The following EFCAB11 variants were observed in gnomAD, a reference collection of about 807,000 sequenced individuals.
The protein encoded by EFCAB11 is EF-hand calcium-binding domain-containing protein 11.
In EFCAB11, 14 loss-of-function variants were observed where a neutral mutation model predicts 23.0. The observed-to-expected ratio is 0.61, with a 90% CI of 0.40 to 0.95. The LOEUF is 0.95. EFCAB11 is among the 40% of genes least tolerant of loss of function. EFCAB11 has a pLI of 0.00. For synonymous variants in EFCAB11, 65 were observed against 66.6 expected (o/e 0.98, Z 0.11); for missense variants, 198 against 195.8 (o/e 1.01, Z -0.07).
chr14:89,873,347 G>A (rs1389994358), intron 5 of EFCAB11, among the ~76,000 whole-genome samples: 1 of 152,096 alleles, frequency 6.6e-6, no homozygotes, highest in Non-Finnish European at 1.5e-5. Context: ...TGATATGAGG[G>A]GATTATAGGA....
At chr14:89,862,987 C>G (rs955907804) in intron 5 of EFCAB11, among the ~76,000 whole-genome samples, 1 of 152,122 alleles carries the variant, frequency 6.6e-6, no homozygotes, top group South Asian at 2.1e-4. Context: ...TGTTTCCATA[C>G]ATTTACTAAG....
intron 2 of EFCAB11, among the ~76,000 whole-genome samples, chr14:89,953,173 C>G (rs1461169355): frequency 6.8e-6 from 1 of 146,340 alleles, no homozygotes; most frequent in Non-Finnish European, 1.5e-5. Flanking sequence ...GCCACAAGGA[C>G]ATAAATGTGT....
At chr14:89,884,864 A>G (rs1888705705) in intron 5 of EFCAB11, among the ~76,000 whole-genome samples, 1 of 152,196 alleles carries the variant, frequency 6.6e-6, no homozygotes. Flanking sequence ...TTATAAGAAG[A>G]GCAAGAGATC....
chr14:89,858,060 G>A (rs1887809394), intron 5 of EFCAB11, among the ~76,000 whole-genome samples: 1 of 152,190 alleles, frequency 6.6e-6, no homozygotes, highest in Non-Finnish European at 1.5e-5. Context: ...TTTAAACTAT[G>A]TCCACAAATG....
chr14:89,930,005 G>A (rs556843173), intron 5 of EFCAB11, among the ~76,000 whole-genome samples: 2 of 152,204 alleles, frequency 1.3e-5, no homozygotes, highest in South Asian at 4.2e-4. Flanking sequence ...TAGTTCCTTT[G>A]TTAAAAACAA....
chr14:89,911,659 A>G (rs1294034757), intron 5 of EFCAB11, among the ~76,000 whole-genome samples: 1 of 152,238 alleles, frequency 6.6e-6, no homozygotes, highest in African/African-American at 2.4e-5. Context: ...AAGTCCATGT[A>G]GCCCAAGCAC....
At chr14:89,825,162 A>T (rs1159588267) in intron 5 of EFCAB11, among the ~76,000 whole-genome samples, 1 of 151,966 alleles carries the variant, frequency 6.6e-6, no homozygotes, top group Non-Finnish European at 1.5e-5. Context: ...TGAATAACGG[A>T]ATGAAATTAG....
At chr14:89,910,119 A>G (rs1274552696) in intron 5 of EFCAB11, among the ~76,000 whole-genome samples, 1 of 152,248 alleles carries the variant, frequency 6.6e-6, no homozygotes, top group Non-Finnish European at 1.5e-5. Context: ...AGTATCTGCA[A>G]TGCAGAAGAT....
rs375336342 is a variant in EFCAB11 at position 89,886,787 on chromosome 14, A to G, written c.410+44754T>C. Among the ~76,000 whole-genome samples, 316 of 152,312 alleles carry G rather than the reference A, an allele frequency of 2.1e-3. 1 individual carries two copies. The highest frequency in any genetic ancestry group is 7.2e-3 in the African/African-American group (300 of 41,570). On this transcript the variant is annotated intron_variant, in intron 5 of 5. Coordinates refer to ENST00000316738, the MANE Select transcript of EFCAB11 (RefSeq NM_145231.4). ...ATCTCGATATTTGGAAAGACTCCTGATTTATTGCAGTTTTGGTAATTTACA... is the reference window on the plus strand; with the variant it reads ...ATCTCGATATTTGGAAAGACTCCTGGTTTATTGCAGTTTTGGTAATTTACA...
Position 89,805,288 on chromosome 14 carries a change from G to A in EFCAB11, c.411-7964C>T, listed in dbSNP as rs975793296. On this transcript the variant is annotated intron_variant, in intron 5 of 5. Transcript: ENST00000316738. ...CAAGCTCTAGAAGTGGGAGCTCACT[G>A]GCCTTAACCAATGACTGTAATCCCA... Among the ~76,000 whole-genome samples, 8 of 152,344 alleles carry A rather than the reference G, an allele frequency of 5.3e-5. No homozygotes were observed. The East Asian group carries it at 1.3e-3, about 26-fold the overall frequency.
intron 5 of EFCAB11, among the ~76,000 whole-genome samples, chr14:89,808,538 T>G (rs900712106): frequency 6.6e-6 from 1 of 152,182 alleles, no homozygotes; most frequent in African/African-American, 2.4e-5. Flanking sequence ...TCAGCCCATT[T>G]CTCATTGATG....
intron 5 of EFCAB11, 120 bp from the exon 6 acceptor site, chr14:89,797,444 C>T: frequency 1.3e-6 from 1 of 791,038 alleles, no homozygotes; most frequent in South Asian, 1.9e-5. Flanking sequence ...ATTTTATCTA[C>T]TTGAAGGCTG....
chr14:89,834,594 C>CG (rs1887010249), intron 5 of EFCAB11, among the ~76,000 whole-genome samples: 1 of 151,858 alleles, frequency 6.6e-6, no homozygotes, highest in South Asian at 2.1e-4. Flanking sequence ...GAAAGCTGTT[C>CG]GGGAAAGTAG....
intron 5 of EFCAB11, among the ~76,000 whole-genome samples, chr14:89,838,663 T>C (rs994099474): frequency 3.3e-5 from 5 of 152,064 alleles, no homozygotes; most frequent in South Asian, 4.1e-4. Context: ...ATTGAGCAGA[T>C]TGGGAATACA....
At chr14:89,936,611 C>T (rs1250859478) in intron 3 of EFCAB11, among the ~76,000 whole-genome samples, 1 of 152,192 alleles carries the variant, frequency 6.6e-6, no homozygotes, top group Non-Finnish European at 1.5e-5. Context: ...ATATCCCCTC[C>T]CTTCTATGCC....
chr14:89,815,309 A>C (rs1433337588), intron 5 of EFCAB11, among the ~76,000 whole-genome samples: 1 of 152,202 alleles, frequency 6.6e-6, no homozygotes, highest in African/African-American at 2.4e-5. Context: ...AAATTTGTTT[A>C]AGTTCTTAGT....
In EFCAB11 at chr14:89,796,869, G is replaced by A. The variant is rs539426062; in HGVS notation, c.*374C>T. 5.7e-6 allele frequency: 1 copy of A among 176,968 alleles called. No homozygotes were observed. Among genetic ancestry groups the A allele is most frequent in the African/African-American group, 2.4e-5 (1 of 42,422 alleles). The allele number at this position is 176,968 out of a possible 1,614,324, so 11.0% of individuals were successfully genotyped here. A position where few individuals can be genotyped will look rare whatever the true frequency, so the allele number is the denominator to read the frequency against. Reference sequence around the variant, plus strand: ...GGGTAGGGGGCAAGAAGAGTGAGGAGGAGGAGGACCACCAGTGCCATCCCT... The same window carrying A: ...GGGTAGGGGGCAAGAAGAGTGAGGAAGAGGAGGACCACCAGTGCCATCCCT... On this transcript the variant is annotated 3_prime_UTR_variant, in exon 6 of 6. Transcript: ENST00000316738.
chr14:89,900,285 T>C (rs1889300215), intron 5 of EFCAB11, among the ~76,000 whole-genome samples: 1 of 152,066 alleles, frequency 6.6e-6, no homozygotes, highest in Admixed American at 6.6e-5. Context: ...ATCCATGTCA[T>C]AAAATATAAA....
chr14:89,944,371 C>T (rs1418372660), intron 3 of EFCAB11, among the ~76,000 whole-genome samples: 1 of 152,170 alleles, frequency 6.6e-6, no homozygotes, highest in Non-Finnish European at 1.5e-5. Flanking sequence ...CCACTGGGTC[C>T]CTCCCACAAC....
Sources: allele counts gnomAD v4.1 joint callset (sites outside exome capture counted in the v4.1 genomes callset), GRCh38; gene constraint gnomAD v4.1.1; transcripts MANE v1.5; gene names NCBI Gene and HGNC (gene_info 2026-07-23, HGNC 2026-07-21).